The following GLT1D1 variants were observed in gnomAD, a reference collection of about 807,000 sequenced individuals.
GLT1D1 encodes the protein glycosyltransferase 1 domain-containing protein 1.
In GLT1D1, 21 loss-of-function variants were observed where a neutral mutation model predicts 28.7. The ratio of observed to expected loss-of-function variants is 0.73; its 90% confidence interval spans 0.52 to 1.05. GLT1D1 has a LOEUF of 1.05. Ranked by LOEUF, GLT1D1 falls within the 50% of genes least tolerant of loss-of-function variation. The pLI is 0.00. For missense variants in GLT1D1, 343 were observed against 330.6 expected (o/e 1.04, Z -0.29); for synonymous variants, 147 against 124.8 (o/e 1.18, Z -1.19).
At chr12:128,897,799 G>T (rs1440859961) in intron 3 of GLT1D1, among the ~76,000 whole-genome samples, 6 of 152,022 alleles carry the variant, frequency 3.9e-5, no homozygotes, top group Non-Finnish European at 8.8e-5. Flanking sequence ...CTCCCGAGTA[G>T]CTGGGACTAC....
At chr12:128,905,871 A>G (rs1870810972) in intron 4 of GLT1D1, among the ~76,000 whole-genome samples, 1 of 151,054 alleles carries the variant, frequency 6.6e-6, no homozygotes, top group Admixed American at 6.6e-5. Context: ...TCTGTTGCCC[A>G]GGCTGGATGG....
At chr12:128,968,255 A>G (rs1386436746) in intron 7 of GLT1D1, among the ~76,000 whole-genome samples, 1 of 151,286 alleles carries the variant, frequency 6.6e-6, no homozygotes, top group Non-Finnish European at 1.5e-5. Context: ...TCGGCCTCCC[A>G]AAGTGCTGGG....
chr12:128,946,105 C>T (rs1003785647), intron 5 of GLT1D1, among the ~76,000 whole-genome samples: 5 of 152,130 alleles, frequency 3.3e-5, no homozygotes, highest in African/African-American at 1.2e-4. Flanking sequence ...TAGATTGCTC[C>T]TAGGTGCAGA....
At chr12:128,967,865 A>G (rs1170108832) in intron 7 of GLT1D1, among the ~76,000 whole-genome samples, 4 of 152,258 alleles carry the variant, frequency 2.6e-5, no homozygotes, top group African/African-American at 7.2e-5. Flanking sequence ...AGCACACAGT[A>G]GGTCCTCAGC....
At chr12:128,904,000 A>AT (rs754846401) in intron 4 of GLT1D1, among the ~76,000 whole-genome samples, 30 of 151,930 alleles carry the variant, frequency 2.0e-4, no homozygotes, top group Admixed American at 9.8e-4. Context: ...AAGTGCTGGG[A>AT]TACAGGCATG....
chr12:128,854,702 G>T (rs1041557894), intron 1 of GLT1D1, among the ~76,000 whole-genome samples: 8 of 151,924 alleles, frequency 5.3e-5, no homozygotes, highest in African/African-American at 1.9e-4. Context: ...TCACCATGTT[G>T]GCCAGGTTGG....
At chr12:128,921,842 C>T (rs1321745342) in intron 4 of GLT1D1, among the ~76,000 whole-genome samples, 1 of 151,962 alleles carries the variant, frequency 6.6e-6, no homozygotes, top group Non-Finnish European at 1.5e-5. Context: ...TTGACGTCAC[C>T]TGCGTTCTTC....
intron 2 of GLT1D1, 81 bp downstream of exon 2, chr12:128,876,143 A>G: frequency 3.2e-6 from 4 of 1,253,502 alleles, no homozygotes; most frequent in Non-Finnish European, 4.5e-6. Flanking sequence ...AACACGGGAA[A>G]CAGTGTCTCC....
At chr12:128,981,377 C>T (rs989946568) in intron 7 of GLT1D1, among the ~76,000 whole-genome samples, 1 of 152,162 alleles carries the variant, frequency 6.6e-6, no homozygotes, top group Non-Finnish European at 1.5e-5. Flanking sequence ...GTCTCCACGT[C>T]AGATAAATCA....
In GLT1D1 at chr12:128,983,723, C is replaced by G. The variant is rs1880546338; in HGVS notation, c.*633C>G. ...GGCTGCCCGCAGGCCCCGCCCACCT[C>G]TTGGCTGAATTTGAGTGGAAAACCA... On this transcript the variant is annotated 3_prime_UTR_variant, in exon 8 of 8. Transcript: ENST00000281703. The surrounding 1 kb of genome is among the most constrained non-coding windows in gnomAD (Gnocchi z 4.7). The G allele has an allele frequency of 6.6e-6, 1 of 152,342 alleles. No individual in the cohort carries two copies. The highest frequency in any genetic ancestry group is 2.4e-5 in the African/African-American group (1 of 41,466). The allele number at this position is 152,342 out of a possible 1,614,324, so 9.4% of individuals were successfully genotyped here.
At chr12:128,865,616 A>T (rs1956494055) in intron 1 of GLT1D1, among the ~76,000 whole-genome samples, 1 of 152,180 alleles carries the variant, frequency 6.6e-6, no homozygotes, top group Admixed American at 6.5e-5. Flanking sequence ...TGAGGTCAGG[A>T]GTTTGAGATC....
chr12:128,945,223 C>T (rs1875904130), intron 4 of GLT1D1, 103 bp from the exon 9 acceptor site: 2 of 1,209,858 alleles, frequency 1.7e-6, no homozygotes, highest in Non-Finnish European at 2.4e-6. Flanking sequence ...AGACCGAGGC[C>T]CACGCCGCGC....
At chr12:128,906,912 A>G (rs1489094525) in intron 4 of GLT1D1, 1 of 702,610 alleles carries the variant, frequency 1.4e-6, no homozygotes. Context: ...TATAGAAAGC[A>G]AGACAGATCT....
In GLT1D1 at chr12:128,857,450, AG is replaced by A. The variant is rs1254600240; in HGVS notation, c.68+3803del. 3.3e-5 allele frequency among the ~76,000 whole-genome samples: 5 copies of A among 152,180 alleles called. No individual in the cohort carries two copies. The East Asian group carries it at 9.6e-4, about 29-fold the overall frequency. On this transcript the variant is annotated intron_variant, in intron 1 of 7. Transcript: ENST00000281703. ...CCAGGCGTTTGTTGTCCTTCACCTCAGGAAGGATTGCTGGGGGAAGAAAAAG... is the reference window on the plus strand; with the variant it reads ...CCAGGCGTTTGTTGTCCTTCACCTCAGAAGGATTGCTGGGGGAAGAAAAAG...
intron 7 of GLT1D1, among the ~76,000 whole-genome samples, chr12:128,959,411 T>TGGGCGGGGGGGGG (rs1387226947): frequency 3.2e-5 from 1 of 31,506 alleles, no homozygotes; most frequent in Non-Finnish European, 6.1e-5. Flanking sequence ...CATGAGGCAG[T>TGGGCGGGGGGGGG]GGGGGGGGAC....
intron 6 of GLT1D1, among the ~76,000 whole-genome samples, chr12:128,955,170 G>A (rs1877143002): frequency 6.6e-6 from 1 of 152,106 alleles, no homozygotes; most frequent in African/African-American, 2.4e-5. Flanking sequence ...CCTTACAAAT[G>A]TGATTATCTG....
In GLT1D1 at chr12:128,865,561, G is replaced by A. The variant is rs186720542; in HGVS notation, c.69-10353G>A. On this transcript the variant is annotated intron_variant, in intron 1 of 7. Coordinates refer to ENST00000281703, the MANE Select transcript of GLT1D1 (RefSeq NM_144669.3). ...ACACAGGCCGGGCCCGGTGGCTCAC[G>A]CCTGTAATCCCAGCACTTTGGGAGG... is the stretch of plus-strand genomic sequence containing the variant. Among the ~76,000 whole-genome samples the A allele has an allele frequency of 5.5e-4, 83 of 152,260 alleles. 1 individual carries two copies. Among genetic ancestry groups the A allele is most frequent in the Admixed American group, 5.3e-3 (81 of 15,290 alleles).
At chr12:128,965,257 C>A (rs1207290395) in intron 7 of GLT1D1, among the ~76,000 whole-genome samples, 2 of 152,308 alleles carry the variant, frequency 1.3e-5, no homozygotes, top group Admixed American at 1.3e-4. Context: ...TGGAGGGATC[C>A]ACATGGCAAG....
intron 4 of GLT1D1, among the ~76,000 whole-genome samples, chr12:128,931,917 G>GCACACACA (rs372135029): frequency 9.2e-5 from 13 of 141,104 alleles, no homozygotes; most frequent in African/African-American, 3.4e-4. Flanking sequence ...ACACACGCAC[G>GCACACACA]CACACACACA....
Sources: allele counts gnomAD v4.1 joint callset (sites outside exome capture counted in the v4.1 genomes callset), GRCh38; gene constraint gnomAD v4.1.1; non-coding constraint Gnocchi (gnomAD v3.1); transcripts MANE v1.5; gene names NCBI Gene and HGNC (gene_info 2026-07-23, HGNC 2026-07-21).